Variants in TPT1 observed in about 807,000 individuals in gnomAD.
The protein encoded by TPT1 is translationally-controlled tumor protein.
Under a neutral mutation model 22.8 loss-of-function variants are expected in TPT1, and 5 were observed. The ratio of observed to expected loss-of-function variants is 0.22; its 90% CI spans 0.11 to 0.46. TPT1 has a LOEUF of 0.46. Ranked by LOEUF, TPT1 falls within the 20% of genes least tolerant of loss-of-function variation. The pLI is 0.99. For synonymous variants in TPT1, 89 were observed against 73.6 expected (o/e 1.21, Z -1.07); for missense variants, 130 against 218.7 (o/e 0.59, Z 2.56).
intron 5 of TPT1, chr13:45,337,597 T>C (rs373688292): frequency 1.3e-6 from 2 of 1,595,174 alleles, no homozygotes; most frequent in African/African-American, 1.3e-5. Context: ...TCAAGGTCTA[T>C]CAGTGGATGC....
chr13:45,338,573 TCA>T (rs1878870936), intron 5 of TPT1, 85 bp downstream of exon 5: 2 of 1,547,648 alleles, frequency 1.3e-6, no homozygotes, highest in Non-Finnish European at 1.7e-6. Flanking sequence ...GCTGTAAAAC[TCA>T]TTCTCAGTGT....
chr13:45,338,801 G>A, intron 4 of TPT1, 25 bp from the exon 5 acceptor site: 2 of 1,545,382 alleles, frequency 1.3e-6, no homozygotes, highest in Non-Finnish European at 1.8e-6. Context: ...AAAATACCTA[G>A]AATTAGACTA....
chr13:45,338,839 C>T, intron 4 of TPT1, 63 bp from the exon 5 acceptor site: 1 of 1,362,238 alleles, frequency 7.3e-7, no homozygotes, highest in Non-Finnish European at 1.0e-6. Context: ...CCATTCAAAA[C>T]AAACTACAGT....
rs1878757145 is a variant in TPT1, at chr13:45,337,189, C to T, written c.*197G>A. 4.8e-6 allele frequency: 3 copies of T among 620,910 alleles called. No homozygotes were observed. 38.5% of individuals were successfully genotyped at this position (620,910 alleles called of 1,614,324 possible). Reference sequence around the variant, plus strand: ...GCATTCTCTCAAATGAGTTTAAATGCATTTTATTTTTAGACAACCTACATG... The same window carrying T: ...GCATTCTCTCAAATGAGTTTAAATGTATTTTATTTTTAGACAACCTACATG... On this transcript the variant is annotated 3_prime_UTR_variant, in exon 6 of 6. Coordinates refer to ENST00000530705, the MANE Select transcript of TPT1 (RefSeq NM_003295.4).
Position 45,339,918 on chromosome 13 carries a change from A to G in TPT1, c.293+76T>C. 6.5e-6 allele frequency: 10 copies of G among 1,526,828 alleles called. No individual in the cohort carries two copies. The East Asian group carries it at 6.8e-5, about 10-fold the overall frequency. The allele number at this position is 1,526,828 out of a possible 1,614,324, so 94.6% of individuals were successfully genotyped here. A position where few individuals can be genotyped will look rare whatever the true frequency, so the allele number is the denominator to read the frequency against. On this transcript the variant is annotated intron_variant, in intron 3 of 5. Transcript: ENST00000530705. ...TTCACAAAAGTATACCCACTGCGAAAGAACCTCAAAAGTTAGCCAATCTTT... is the reference window on the plus strand; with the variant it reads ...TTCACAAAAGTATACCCACTGCGAAGGAACCTCAAAAGTTAGCCAATCTTT...
intron 2 of TPT1, 197 bp from the exon 3 acceptor site, chr13:45,340,381 A>C: frequency 1.2e-6 from 1 of 865,768 alleles, no homozygotes; most frequent in East Asian, 2.6e-5. Context: ...GCCGGAACAA[A>C]AAATGGGGTC....
At chr13:45,337,647 A>G (rs1878795160) in intron 5 of TPT1, 1 of 1,373,022 alleles carries the variant, frequency 7.3e-7, no homozygotes, top group Non-Finnish European at 1.0e-6. Context: ...CATTTTTCAG[A>G]AGGCTGTGGC....
At position 45,341,061 on chromosome 13, in the gene TPT1, G is replaced by T; in HGVS notation, c.9C>A (p.Ile3=). ...ACTCACGGCTGATGAGGTCCCGGTAGATAATCATGATGGCGACTGAAGGGA... is the reference window on the plus strand; with the variant it reads ...ACTCACGGCTGATGAGGTCCCGGTATATAATCATGATGGCGACTGAAGGGA... The part of the protein sequence containing the change: MI[I]YRDLISHDEM... Residue 3 remains isoleucine (I), a synonymous_variant, in exon 1 of 6, where the codon ATC becomes ATA. Coordinates refer to ENST00000530705, the MANE Select transcript of TPT1 (RefSeq NM_003295.4). The T allele has an allele frequency of 6.2e-7, 1 of 1,613,328 alleles. No homozygotes were observed. Among genetic ancestry groups the T allele is most frequent in the Non-Finnish European group, 8.5e-7 (1 of 1,179,598 alleles).
At chr13:45,339,248 A>G in intron 4 of TPT1, 1 of 425,150 alleles carries the variant, frequency 2.4e-6, no homozygotes, top group Non-Finnish European at 4.2e-6. Flanking sequence ...AATGAGACAC[A>G]TTAAAATTGT....
chr13:45,338,673 T>A lies in TPT1; in HGVS notation c.503A>T (p.Glu168Val). The change falls in exon 5 of 6, where the codon GAA (glutamate) becomes GTA (valine). Residue 168 changes from glutamate to valine, a missense_variant. Glu to Val is a moderately radical substitution (Grantham distance 121). Transcript: ENST00000530705. ...CCTTGTACTTACACATTTTTCCATT[T>A]CTAAACCATCCTTAAAGAAAATCAT... is the stretch of plus-strand genomic sequence containing the variant. ...PYMIFFKDGLEMEKC is the reference protein window; with the variant it reads ...PYMIFFKDGLVMEKC 1 of 1,613,372 alleles carries A rather than the reference T, an allele frequency of 6.2e-7. No homozygotes were observed. The highest frequency in any genetic ancestry group is 8.5e-7 in the Non-Finnish European group (1 of 1,179,824).
At position 45,338,825 on chromosome 13, in the gene TPT1, C is replaced by T. The variant is rs2234225; in HGVS notation, c.400-49G>A. On this transcript the variant is annotated intron_variant, in intron 4 of 5. Transcript: ENST00000530705. ...AGAATTAGACTATTACATACAAATA[C>T]ATGCCATTCAAAACAAACTACAGTA... 3.3e-4 allele frequency: 482 copies of T among 1,458,136 alleles called. 2 individuals carry two copies. The African/African-American group carries it at 3.6e-3, about 11-fold the overall frequency. The allele number at this position is 1,458,136 out of a possible 1,614,324, so 90.3% of individuals were successfully genotyped here.
chr13:45,337,704 T>C (rs1878798878), intron 5 of TPT1: 1 of 747,054 alleles, frequency 1.3e-6, no homozygotes, highest in East Asian at 2.5e-5. Context: ...TCAGATACTG[T>C]CTGAATAACC....
chr13:45,340,510 G>T, intron 2 of TPT1: 1 of 773,992 alleles, frequency 1.3e-6, no homozygotes, highest in Non-Finnish European at 2.2e-6. Context: ...GGACAACCCC[G>T]GGAGGAGGAT....
At position 45,334,563 on chromosome 13, in the gene TPT1, TCAA is replaced by T. The variant is rs1364122192; in HGVS notation, c.*2820_*2822del. On this transcript the variant is annotated 3_prime_UTR_variant, in exon 6 of 6. Transcript: ENST00000530705. ...AAACGCTCAGACCAAAATACTTGTA[TCAA>T]CATTAAATCCATCCTCACCCACCAG... 6.6e-6 allele frequency: 1 copy of T among 152,228 alleles called. No individual in the cohort carries two copies. The highest frequency in any genetic ancestry group is 1.5e-5 in the Non-Finnish European group (1 of 68,058). The allele number at this position is 152,228 out of a possible 1,614,324, so 9.4% of individuals were successfully genotyped here. A position where few individuals can be genotyped will look rare whatever the true frequency, so the allele number is the denominator to read the frequency against.
chr13:45,340,758 T>C lies in TPT1; in HGVS notation c.56A>G (p.Lys19Arg). 1 of 1,519,010 alleles carries C rather than the reference T, an allele frequency of 6.6e-7. No individual in the cohort carries two copies. The highest frequency in any genetic ancestry group is 8.8e-7 in the Non-Finnish European group (1 of 1,134,664). The allele number at this position is 1,519,010 out of a possible 1,614,324, so 94.1% of individuals were successfully genotyped here. ...SHDEMFSDIY[K>R]IREIADGLCL... is the part of the protein sequence containing the mutation. ...CAACCCGTCCGCGATCTCCCGGATC[T>C]TGTAGATGTCGGAGAACATCTCATC... is the stretch of plus-strand genomic sequence containing the variant. The change falls in exon 2 of 6, where the codon AAG becomes AGG. Residue 19 changes from lysine to arginine, a missense_variant. Coordinates refer to ENST00000530705, the MANE Select transcript of TPT1 (RefSeq NM_003295.4).
At position 45,334,683 on chromosome 13, in the gene TPT1, C is replaced by G. The variant is rs1445195574; in HGVS notation, c.*2703G>C. ...CTTTGCCTTAAAAACACATTATACA[C>G]AATTATTCTATGCTTTTACCCTGCC... On this transcript the variant is annotated 3_prime_UTR_variant, in exon 6 of 6. Transcript: ENST00000530705. 6.6e-6 allele frequency: 1 copy of G among 152,194 alleles called. No homozygotes were observed. The highest frequency in any genetic ancestry group is 2.4e-5 in the African/African-American group (1 of 41,432). 9.4% of individuals were successfully genotyped at this position (152,194 alleles called of 1,614,324 possible).
chr13:45,340,347 CTAACT>C (rs1879008487), intron 2 of TPT1, 163 bp from the exon 3 acceptor site: 2 of 1,028,950 alleles, frequency 1.9e-6, no homozygotes, highest in Non-Finnish European at 2.9e-6. Context: ...TCAAAACGAC[CTAACT>C]TAAAAGAGTT....
At position 45,333,823 on chromosome 13, in the gene TPT1, T is replaced by C. The variant is rs1470262016; in HGVS notation, c.*3563A>G. Reference sequence around the variant, plus strand: ...TTACCACTATCAGGCCTCATATTACTTAAGTACTTTGCAACAGGTAACCCT... The same window carrying C: ...TTACCACTATCAGGCCTCATATTACCTAAGTACTTTGCAACAGGTAACCCT... On this transcript the variant is annotated 3_prime_UTR_variant, in exon 6 of 6. Transcript: ENST00000530705. 1 of 152,154 alleles carries C rather than the reference T, an allele frequency of 6.6e-6. No individual in the cohort carries two copies. The highest frequency in any genetic ancestry group is 1.5e-5 in the Non-Finnish European group (1 of 67,980). 9.4% of individuals were successfully genotyped at this position (152,154 alleles called of 1,614,324 possible). A position where few individuals can be genotyped will look rare whatever the true frequency, so the allele number is the denominator to read the frequency against.
In TPT1 at chr13:45,335,985, A is replaced by C. The variant is rs1033706805; in HGVS notation, c.*1401T>G. 2 of 152,226 alleles carry C rather than the reference A, an allele frequency of 1.3e-5. No individual in the cohort carries two copies. The highest frequency in any genetic ancestry group is 6.5e-5 in the Admixed American group (1 of 15,276). The allele number at this position is 152,226 out of a possible 1,614,324, so 9.4% of individuals were successfully genotyped here. ...CTTTTAATCTTTCTTTTACAAGTGTAATCAACCAGGTAAGGCTGATAGACT... is the reference window on the plus strand; with the variant it reads ...CTTTTAATCTTTCTTTTACAAGTGTCATCAACCAGGTAAGGCTGATAGACT... On this transcript the variant is annotated 3_prime_UTR_variant, in exon 6 of 6. Coordinates refer to ENST00000530705, the MANE Select transcript of TPT1 (RefSeq NM_003295.4).
Sources: allele counts gnomAD v4.1 joint callset, GRCh38; gene constraint gnomAD v4.1.1; transcripts MANE v1.5; gene names NCBI Gene and HGNC (gene_info 2026-07-23, HGNC 2026-07-21).